Variants in EBF2 observed in about 807,000 individuals in gnomAD.
EBF2 encodes the protein transcription factor COE2.
EBF2 carries 21 observed loss-of-function variants against 72.8 expected under a neutral mutation model. The ratio of observed to expected loss-of-function variants is 0.29; its 90% CI spans 0.20 to 0.42. EBF2 has a LOEUF of 0.42. Among genes scored for constraint, EBF2 ranks in the 10% least tolerant of loss-of-function variants. The pLI is 1.00. For synonymous variants in EBF2, 299 were observed against 274.2 expected (o/e 1.09, Z -0.89); for missense variants, 637 against 731.2 (o/e 0.87, Z 1.49).
At chr8:25,859,771 C>T (rs887254982) in intron 13 of EBF2, among the ~76,000 whole-genome samples, 1 of 149,812 alleles carries the variant, frequency 6.7e-6, no homozygotes, top group African/African-American at 2.5e-5. Flanking sequence ...GGCTGGAGTA[C>T]AGTGGCACAG....
chr8:25,869,559 T>C (rs1802395080), intron 10 of EBF2, among the ~76,000 whole-genome samples: 1 of 152,160 alleles, frequency 6.6e-6, no homozygotes, highest in Admixed American at 6.5e-5. Context: ...GAAAGTATCC[T>C]CTAATATATT....
At chr8:25,898,094 A>G (rs1802888207) in intron 7 of EBF2, among the ~76,000 whole-genome samples, 1 of 152,182 alleles carries the variant, frequency 6.6e-6, no homozygotes, top group Non-Finnish European at 1.5e-5. Flanking sequence ...AGCATAGCAA[A>G]CACTAGACAT....
At chr8:25,918,042 C>T (rs73677429) in intron 6 of EBF2, among the ~76,000 whole-genome samples, 146 of 152,256 alleles carry the variant, frequency 9.6e-4, no homozygotes, top group African/African-American at 3.1e-3. Flanking sequence ...GAACAGATAC[C>T]AGTGAGACAA....
In EBF2 at chr8:25,873,113, G is replaced by T. The variant is rs117724578; in HGVS notation, c.1010-10316C>A. On this transcript the variant is annotated intron_variant, in intron 10 of 15. Coordinates refer to ENST00000520164, the MANE Select transcript of EBF2 (RefSeq NM_022659.4). Reference sequence around the variant, plus strand: ...TTCCTCATGTGTCCAACATGCAAAGGCTACGTTAAATTCACACTTAAATGC... The same window carrying T: ...TTCCTCATGTGTCCAACATGCAAAGTCTACGTTAAATTCACACTTAAATGC... Among the ~76,000 whole-genome samples the T allele has an allele frequency of 7.8e-3, 1,183 of 152,140 alleles. 6 individuals are homozygous for T. Among genetic ancestry groups the T allele is most frequent in the Non-Finnish European group, 0.012 (786 of 68,004 alleles).
intron 7 of EBF2, among the ~76,000 whole-genome samples, chr8:25,896,613 G>A (rs1802867332): frequency 6.6e-6 from 1 of 152,148 alleles, no homozygotes; most frequent in Admixed American, 6.6e-5. Context: ...TAACTGTTAT[G>A]TGGGATTTTA....
chr8:26,011,811 TAAA>T lies in EBF2; in HGVS notation c.551+21271_551+21273del, dbSNP rs71551843. On this transcript the variant is annotated intron_variant, in intron 6 of 15. Coordinates refer to ENST00000520164, the MANE Select transcript of EBF2 (RefSeq NM_022659.4). ...AATAGAATTTACTTGAACTTTTTTT[TAAA>T]AAAAAAAAGCAATGTGTTATCATAT... 3.2e-3 allele frequency among the ~76,000 whole-genome samples: 465 copies of T among 143,268 alleles called. 5 individuals are homozygous for T. The highest frequency in any genetic ancestry group is 0.025 in the Middle Eastern group (7 of 282). The allele number at this position is 143,268 out of a possible 152,430, so 94.0% of individuals were successfully genotyped here.
At chr8:25,917,933 C>T (rs1451470838) in intron 6 of EBF2, among the ~76,000 whole-genome samples, 1 of 152,120 alleles carries the variant, frequency 6.6e-6, no homozygotes, top group Non-Finnish European at 1.5e-5. Context: ...ATTCATAACT[C>T]GGTAATAACT....
chr8:25,897,949 T>C (rs1802885652), intron 7 of EBF2, among the ~76,000 whole-genome samples: 1 of 152,228 alleles, frequency 6.6e-6, no homozygotes. Flanking sequence ...AGATACTTTC[T>C]TAAGGAACCA....
rs1487127405 is a variant in EBF2, at chr8:26,001,853, A to AT, written c.551+31231dup. 3.3e-5 allele frequency among the ~76,000 whole-genome samples: 5 copies of AT among 152,130 alleles called. No individual in the cohort carries two copies. The East Asian group carries it at 9.7e-4, about 29-fold the overall frequency. On this transcript the variant is annotated intron_variant, in intron 6 of 15. Transcript: ENST00000520164. ...TGTGAGCCACCACACCCAGCCCTGC[A>AT]TTTTTAAAAGAACTGCTCTACCTAA...
intron 6 of EBF2, among the ~76,000 whole-genome samples, chr8:26,025,183 T>G (rs919463882): frequency 7.9e-5 from 12 of 152,122 alleles, no homozygotes; most frequent in African/African-American, 2.9e-4. Flanking sequence ...AAGATCTGTG[T>G]TCCGGACAGG....
intron 1 of EBF2, among the ~76,000 whole-genome samples, chr8:26,042,930 G>A (rs907739951): frequency 6.6e-6 from 1 of 152,120 alleles, no homozygotes; most frequent in East Asian, 1.9e-4. Flanking sequence ...GACCAGCCCC[G>A]GGGATCGCTG....
chr8:25,947,964 C>T (rs1266497913), intron 6 of EBF2, among the ~76,000 whole-genome samples: 1 of 152,212 alleles, frequency 6.6e-6, no homozygotes, highest in African/African-American at 2.4e-5. Flanking sequence ...CAATGACACA[C>T]AACTTTATCC....
chr8:25,930,014 T>C (rs1452428301), intron 6 of EBF2, among the ~76,000 whole-genome samples: 1 of 152,210 alleles, frequency 6.6e-6, no homozygotes, highest in Non-Finnish European at 1.5e-5. Flanking sequence ...AAGTGAATTT[T>C]CTATAATTAC....
intron 14 of EBF2, among the ~76,000 whole-genome samples, chr8:25,851,317 G>A (rs1350085866): frequency 6.7e-6 from 1 of 149,474 alleles, no homozygotes; most frequent in East Asian, 2.0e-4. Flanking sequence ...TTAACATTCA[G>A]AAAACCGTCT....
chr8:25,987,823 A>C (rs888504866), intron 6 of EBF2, among the ~76,000 whole-genome samples: 1 of 151,024 alleles, frequency 6.6e-6, no homozygotes, highest in East Asian at 2.0e-4. Flanking sequence ...TCAAGCATTC[A>C]TGTGGGCTCC....
chr8:25,928,416 C>G (rs892803553), intron 6 of EBF2, among the ~76,000 whole-genome samples: 1 of 152,172 alleles, frequency 6.6e-6, no homozygotes, highest in Non-Finnish European at 1.5e-5. Flanking sequence ...TCCCCACGAC[C>G]ATTCCTGCCC....
intron 7 of EBF2, among the ~76,000 whole-genome samples, chr8:25,890,833 C>T (rs1343998141): frequency 1.3e-5 from 2 of 152,146 alleles, no homozygotes; most frequent in Non-Finnish European, 2.9e-5. Flanking sequence ...TTCCAAAACC[C>T]GAAATCAGAA....
At chr8:25,848,617 C>T (rs183714379) in intron 15 of EBF2, among the ~76,000 whole-genome samples, 1 of 152,154 alleles carries the variant, frequency 6.6e-6, no homozygotes, top group Non-Finnish European at 1.5e-5. Flanking sequence ...TAGAGAAGAT[C>T]TGAGACAACC....
chr8:26,038,656 T>C (rs942186785), intron 5 of EBF2, among the ~76,000 whole-genome samples: 4 of 152,254 alleles, frequency 2.6e-5, no homozygotes, highest in Non-Finnish European at 5.9e-5. Flanking sequence ...GAACTGTATT[T>C]TCTTTCTGAA....
Sources: allele counts gnomAD v4.1 joint callset (sites outside exome capture counted in the v4.1 genomes callset), GRCh38; gene constraint gnomAD v4.1.1; transcripts MANE v1.5; gene names NCBI Gene and HGNC (gene_info 2026-07-23, HGNC 2026-07-21).